The following PDAP1 variants were observed in gnomAD, a reference collection of about 807,000 sequenced individuals.
The protein encoded by PDAP1 is 28 kDa heat- and acid-stable phosphoprotein.
In PDAP1, 13 loss-of-function variants were observed where a neutral mutation model predicts 28.0. That is an observed-to-expected ratio of 0.46 (90% confidence interval 0.30 to 0.74). The LOEUF (loss-of-function observed/expected upper bound fraction) is 0.74, where lower values mean the gene tolerates loss of function less well. Ranked by LOEUF, PDAP1 falls within the 30% of genes least tolerant of loss-of-function variation. PDAP1 has a pLI of 0.07. For missense variants in PDAP1, 150 were observed against 230.0 expected, an observed-to-expected ratio of 0.65 and a Z score of 2.25; for synonymous variants, 77 against 85.1, an observed-to-expected ratio of 0.91 and a Z score of 0.52.
At chr7:99,404,811 G>A (rs1418950981) in intron 2 of PDAP1, 51 bp downstream of exon 2, 6 of 1,477,522 alleles carry the variant, frequency 4.1e-6, no homozygotes, top group Non-Finnish European at 4.7e-6. Context: ...AACCAAATTG[G>A]CAAAGCGCCA....
At position 99,396,678 on chromosome 7, in the gene PDAP1, G is replaced by T; in HGVS notation, c.*4C>A. 6.2e-7 allele frequency: 1 copy of T among 1,610,480 alleles called. No individual in the cohort carries two copies. The highest frequency in any genetic ancestry group is 2.2e-4 in the Middle Eastern group (1 of 4,456). ...TCCCCGGCATCTCCTCCCACGGGTCGCAGTTACTTATTCAGGGAGAGTGAC... is the reference window on the plus strand; with the variant it reads ...TCCCCGGCATCTCCTCCCACGGGTCTCAGTTACTTATTCAGGGAGAGTGAC... On this transcript the variant is annotated 3_prime_UTR_variant, in exon 6 of 6. Transcript: ENST00000350498.
rs1244323630 is a variant in PDAP1 at position 99,403,449 on chromosome 7, C to T, written c.162G>A (p.Glu54=). The T allele has an allele frequency of 6.2e-7, 1 of 1,612,806 alleles. No homozygotes were observed. Among genetic ancestry groups the T allele is most frequent in the Admixed American group, 1.7e-5 (1 of 60,026 alleles). Residue 54 remains glutamate, a synonymous_variant, in exon 3 of 6, where the codon GAG becomes GAA. Coordinates refer to ENST00000350498, the MANE Select transcript of PDAP1 (RefSeq NM_014891.7). ...TCTCATCTGAGTCTAGAGATTTCTT[C>T]TCCTTTTTGGGGTCACCTGCAGCCC... is the stretch of plus-strand genomic sequence containing the variant. The part of the protein sequence containing the change: ...GDGAAGDPKK[E]KKSLDSDESE...
chr7:99,406,283 C>T (rs1159249259), intron 1 of PDAP1, among the ~76,000 whole-genome samples: 5 of 150,218 alleles, frequency 3.3e-5, no homozygotes, highest in Non-Finnish European at 5.9e-5. Flanking sequence ...TTACTTTTCC[C>T]TCTAATCTAG....
chr7:99,406,782 G>A (rs1794980041), intron 1 of PDAP1, among the ~76,000 whole-genome samples: 1 of 152,222 alleles, frequency 6.6e-6, no homozygotes. Context: ...AGAGGCGGTA[G>A]CAGAGATACT....
rs753335575 is a variant in PDAP1, at chr7:99,408,564, TGCGGCG to T, written c.-22_-17del. ...CTTTAGGCATTGCGGCTCCGGCGGC[TGCGGCG>T]GCGGCGGCGGCGCCTCGAACTGACA... is the stretch of plus-strand genomic sequence containing the variant. On this transcript the variant is annotated 5_prime_UTR_variant, in exon 1 of 6. Transcript: ENST00000350498. The T allele has an allele frequency of 4.0e-6, 5 of 1,264,478 alleles. No homozygotes were observed. The highest frequency in any genetic ancestry group is 2.6e-5 in the South Asian group (1 of 38,430). The allele number at this position is 1,264,478 out of a possible 1,614,324, so 78.3% of individuals were successfully genotyped here. A position where few individuals can be genotyped will look rare whatever the true frequency, so the allele number is the denominator to read the frequency against.
intron 4 of PDAP1, among the ~76,000 whole-genome samples, chr7:99,398,614 G>A (rs916672677): frequency 6.6e-6 from 1 of 152,200 alleles, no homozygotes; most frequent in Non-Finnish European, 1.5e-5. Context: ...TGAGGCAGGC[G>A]GATTGCTTGA....
chr7:99,403,365 T>C (rs1794915423), intron 3 of PDAP1, 33 bp downstream of exon 3: 4 of 1,299,028 alleles, frequency 3.1e-6, no homozygotes, highest in Non-Finnish European at 4.5e-6. Context: ...AATGAATGAG[T>C]CCAGGCTCTA....
chr7:99,408,423 C>T, intron 1 of PDAP1, 113 bp downstream of exon 1: 2 of 991,890 alleles, frequency 2.0e-6, no homozygotes, highest in Non-Finnish European at 2.6e-6. Context: ...TCAGCCGGTG[C>T]GGACAGCCTC....
rs114856070 is a variant in PDAP1 at position 99,407,459 on chromosome 7, C to G, written c.13+1077G>C. Among the ~76,000 whole-genome samples the G allele has an allele frequency of 5.3e-3, 800 of 152,320 alleles. 9 individuals carry two copies. Among genetic ancestry groups the G allele is most frequent in the African/African-American group, 0.019 (785 of 41,562 alleles). On this transcript the variant is annotated intron_variant, in intron 1 of 5. Transcript: ENST00000350498. ...GAGAGCTAGGTTTAAACACATTTAG[C>G]TCTGTAATGCCCAATTATCTCTGGA...
At chr7:99,397,590 G>A (rs1021786681) in intron 5 of PDAP1, among the ~76,000 whole-genome samples, 3 of 152,210 alleles carry the variant, frequency 2.0e-5, no homozygotes, top group Admixed American at 6.5e-5. Context: ...GTGACCTCCC[G>A]CTGTTGGGAG....
At position 99,399,938 on chromosome 7, in the gene PDAP1, C is replaced by T. The variant is rs114433956; in HGVS notation, c.335+365G>A. ...CCGGCACAGGCTCGCAGCCCCCTTC[C>T]AGTCCCCATGGCCACGACATTACAG... On this transcript the variant is annotated intron_variant, in intron 4 of 5. Transcript: ENST00000350498. Among the ~76,000 whole-genome samples, 461 of 152,354 alleles carry T rather than the reference C, an allele frequency of 3.0e-3. 3 individuals are homozygous for T. The highest frequency in any genetic ancestry group is 0.011 in the African/African-American group (440 of 41,572).
At chr7:99,406,708 T>C (rs1794978240) in intron 1 of PDAP1, 5 of 619,608 alleles carry the variant, frequency 8.1e-6, no homozygotes, top group South Asian at 1.4e-4. Flanking sequence ...GAGGCCCACC[T>C]GATTTCCATA....
chr7:99,404,823 C>T, intron 2 of PDAP1, 39 bp downstream of exon 2: 1 of 1,542,472 alleles, frequency 6.5e-7, no homozygotes, highest in Non-Finnish European at 8.9e-7. Context: ...AAAGCGCCAC[C>T]CTGGGCCACT....
intron 3 of PDAP1, among the ~76,000 whole-genome samples, chr7:99,402,400 G>A (rs1015729094): frequency 6.6e-5 from 10 of 151,546 alleles, no homozygotes; most frequent in Non-Finnish European, 1.3e-4. Context: ...GAGCCCAGGA[G>A]TTGGAGACCA....
intron 1 of PDAP1, 75 bp downstream of exon 1, chr7:99,408,461 C>T: frequency 1.6e-6 from 2 of 1,285,480 alleles, no homozygotes; most frequent in South Asian, 2.0e-5. Context: ...GAGACGCGCA[C>T]GGGCTGAGGG....
Position 99,403,440 on chromosome 7 carries a change from A to G in PDAP1, c.171T>C (p.Ser57=), listed in dbSNP as rs539094260. The G allele has an allele frequency of 5.6e-6, 9 of 1,611,274 alleles. No homozygotes were observed. In the African/African-American group the frequency reaches 9.3e-5, roughly 17 times the overall value. Residue 57 remains serine, a synonymous_variant, in exon 3 of 6, where the codon TCT becomes TCC. Coordinates refer to ENST00000350498, the MANE Select transcript of PDAP1 (RefSeq NM_014891.7). ...AAGDPKKEKK[S]LDSDESEDEE... ...CATCCTCACTCTCATCTGAGTCTAG[A>G]GATTTCTTCTCCTTTTTGGGGTCAC...
intron 1 of PDAP1, among the ~76,000 whole-genome samples, chr7:99,405,622 A>G (rs1267851240): frequency 2.0e-5 from 3 of 151,470 alleles, no homozygotes; most frequent in Non-Finnish European, 2.9e-5. Context: ...TCAGCCTCCC[A>G]AAGTGCTGGG....
chr7:99,408,185 G>A (rs1409610995), intron 1 of PDAP1, among the ~76,000 whole-genome samples: 2 of 152,176 alleles, frequency 1.3e-5, no homozygotes, highest in African/African-American at 2.4e-5. Flanking sequence ...AGGCAGGCGG[G>A]CCCGGCACAA....
At chr7:99,398,680 G>T (rs972626825) in intron 4 of PDAP1, among the ~76,000 whole-genome samples, 1 of 152,120 alleles carries the variant, frequency 6.6e-6, no homozygotes, top group Non-Finnish European at 1.5e-5. Flanking sequence ...CTCCAGCCTG[G>T]GTGACAGAGT....
Sources: gnomAD v4.1 joint callset for allele counts (sites outside exome capture counted in the v4.1 genomes callset) on GRCh38, gnomAD v4.1.1 for gene constraint, MANE v1.5 for transcripts, NCBI Gene and HGNC (gene_info 2026-07-23, HGNC 2026-07-21) for gene names.